TNRC6A: variants seen among roughly 807,000 people sequenced by gnomAD.
TNRC6A encodes the protein trinucleotide repeat-containing gene 6A protein.
TNRC6A carries 44 observed loss-of-function variants against 221.2 expected under a neutral mutation model. The observed-to-expected ratio is 0.20, with a 90% CI of 0.16 to 0.26. The LOEUF is 0.26. TNRC6A is among the 10% of genes least tolerant of loss of function. TNRC6A has a pLI of 1.00. For synonymous variants in TNRC6A, 847 were observed against 838.5 expected (o/e 1.01, Z -0.18); for missense variants, 2,199 against 2,404.4 (o/e 0.91, Z 1.79).
rs151284069 is a variant in TNRC6A at position 24,720,807 on chromosome 16, G to A, written n.403-29919G>A. ...TCCCAGCACTTTGGGAGGCTGAGGC[G>A]GGTGGATCACGAGGTCAGGAGATCG... On this transcript the variant is annotated intron_variant and non_coding_transcript_variant, in intron 2 of 2. Coordinates refer to the TNRC6A transcript ENST00000566108. Among the ~76,000 whole-genome samples, 1,359 of 151,648 alleles carry A rather than the reference G, an allele frequency of 9.0e-3. 21 individuals are homozygous for A. Among genetic ancestry groups the A allele is most frequent in the African/African-American group, 0.03 (1,258 of 41,362 alleles).
Position 24,730,295 on chromosome 16 carries a change from T to C in TNRC6A, c.48T>C (p.Leu16=). The C allele has an allele frequency of 6.2e-7, 1 of 1,603,144 alleles. No individual in the cohort carries two copies. Among genetic ancestry groups the C allele is most frequent in the Non-Finnish European group, 8.5e-7 (1 of 1,175,910 alleles). ...AKATKDVERN[L]SRDLVQEEEQ... The stretch of plus-strand genomic sequence containing the variant: ...CTACCAAAGACGTAGAAAGAAATCT[T>C]AGCAGGTAAGATGGGCGAGCTTTCC... Residue 16 remains leucine (L), a synonymous_variant, in exon 2 of 25, where the codon CTT becomes CTC. Coordinates refer to ENST00000395799, the MANE Select transcript of TNRC6A (RefSeq NM_014494.4).
At chr16:24,709,946 T>C (rs976764425) in intron 2 of TNRC6A, among the ~76,000 whole-genome samples, 4 of 152,060 alleles carry the variant, frequency 2.6e-5, no homozygotes, top group African/African-American at 9.7e-5. Context: ...TTTGTAAATA[T>C]GCTGGGCGCA....
At chr16:24,708,877 A>C (rs1170677630) in intron 2 of TNRC6A, among the ~76,000 whole-genome samples, 2 of 152,036 alleles carry the variant, frequency 1.3e-5, no homozygotes, top group African/African-American at 4.8e-5. Context: ...CATATGCCAT[A>C]TTTTCTTTAT....
At chr16:24,797,180 C>T (rs2058237157) in intron 9 of TNRC6A, among the ~76,000 whole-genome samples, 1 of 152,058 alleles carries the variant, frequency 6.6e-6, no homozygotes, top group Non-Finnish European at 1.5e-5. Flanking sequence ...TACAGTTCTC[C>T]GTTACTCAGA....
chr16:24,730,793 C>G (rs2056620049), intron 2 of TNRC6A, among the ~76,000 whole-genome samples: 1 of 121,882 alleles, frequency 8.2e-6, no homozygotes, highest in South Asian at 2.9e-4. Flanking sequence ...TTGCATTGGA[C>G]ACAGTTTTGT....
chr16:24,740,782 T>C (rs1236168280), intron 2 of TNRC6A, among the ~76,000 whole-genome samples: 1 of 152,220 alleles, frequency 6.6e-6, no homozygotes, highest in Non-Finnish European at 1.5e-5. Flanking sequence ...GGAAACTCTG[T>C]ACCCGTTAAA....
In TNRC6A at chr16:24,823,294, G is replaced by A. The variant is rs941498782; in HGVS notation, c.5514-138G>A. 12 of 1,118,782 alleles carry A rather than the reference G, an allele frequency of 1.1e-5. No homozygotes were observed. Among genetic ancestry groups the A allele is most frequent in the East Asian group, 4.9e-5 (2 of 41,026 alleles). The allele number at this position is 1,118,782 out of a possible 1,614,324, so 69.3% of individuals were successfully genotyped here. On this transcript the variant is annotated intron_variant, in intron 24 of 24. Transcript: ENST00000395799. The surrounding 1 kb of genome is among the most constrained non-coding windows in gnomAD (Gnocchi z 4.3). The stretch of plus-strand genomic sequence containing the variant: ...GCACACTCGGGTGAAGGGAGGGCAC[G>A]CAGGTTATGTGGTGTAGTCTCTCCC...
intron 2 of TNRC6A, among the ~76,000 whole-genome samples, chr16:24,720,720 A>G (rs909276286): frequency 6.7e-6 from 1 of 148,956 alleles, no homozygotes; most frequent in Non-Finnish European, 1.5e-5. Context: ...AAGAAAGAAA[A>G]AAAAAAAAGA....
At chr16:24,815,076 A>G (rs1179466664) in intron 18 of TNRC6A, 71 bp from the exon 19 acceptor site, 6 of 1,548,186 alleles carry the variant, frequency 3.9e-6, no homozygotes, top group Non-Finnish European at 4.4e-6. Context: ...TTCATGCTAC[A>G]TTTGAAAAGC....
At chr16:24,631,813 G>A (rs1307227723) in intron 1 of TNRC6A, among the ~76,000 whole-genome samples, 1 of 151,210 alleles carries the variant, frequency 6.6e-6, no homozygotes. Context: ...GAACATCCTA[G>A]GGTTCAGTCT....
rs185860607 is a variant in TNRC6A, at chr16:24,786,535, C to T, written c.590-2697C>T. Among the ~76,000 whole-genome samples the T allele has an allele frequency of 1.8e-4, 28 of 151,932 alleles. No individual in the cohort carries two copies. In the East Asian group the frequency reaches 5.3e-3, roughly 29 times the overall value. The stretch of plus-strand genomic sequence containing the variant: ...TTCTCCGTGTTAGCCAGGATGGTCT[C>T]GATCTGCTGACTTCGTGATCCTCCC... On this transcript the variant is annotated intron_variant, in intron 5 of 24. Transcript: ENST00000395799.
At chr16:24,751,352 C>A (rs998044076) in intron 3 of TNRC6A, among the ~76,000 whole-genome samples, 10 of 152,026 alleles carry the variant, frequency 6.6e-5, no homozygotes, top group African/African-American at 2.4e-4. Flanking sequence ...TATTTAGTAC[C>A]TGGGCTGATT....
intron 1 of TNRC6A, among the ~76,000 whole-genome samples, chr16:24,635,176 T>C (rs1567313833): frequency 6.6e-6 from 1 of 151,316 alleles, no homozygotes; most frequent in Admixed American, 6.6e-5. Flanking sequence ...CTTCCTTCCT[T>C]CTTTCCTTCC....
intron 2 of TNRC6A, among the ~76,000 whole-genome samples, chr16:24,690,124 C>T (rs1426964300): frequency 6.7e-6 from 1 of 149,302 alleles, no homozygotes; most frequent in Non-Finnish European, 1.5e-5. Flanking sequence ...ATCTTCTTGT[C>T]TCAGCCTCTT....
At chr16:24,722,411 CTATT>C (rs869042971) in intron 2 of TNRC6A, among the ~76,000 whole-genome samples, 4 of 102,470 alleles carry the variant, frequency 3.9e-5, no homozygotes, top group African/African-American at 1.4e-4. Flanking sequence ...AAGACCCCAA[CTATT>C]TATTTATTTA....
At position 24,740,390 on chromosome 16, in the gene TNRC6A, G is replaced by A. The variant is rs550067856; in HGVS notation, c.53+10090G>A. Among the ~76,000 whole-genome samples, 4 of 152,206 alleles carry A rather than the reference G, an allele frequency of 2.6e-5. No individual in the cohort carries two copies. In the South Asian group the frequency reaches 8.3e-4, roughly 31 times the overall value. On this transcript the variant is annotated intron_variant, in intron 2 of 24. Transcript: ENST00000395799. ...GGAACAGTGTTGAATATGTAGGCCA[G>A]TGTGGACAGTATTGCATTTTATAAT...
At chr16:24,718,761 G>T (rs145559819) in intron 2 of TNRC6A, among the ~76,000 whole-genome samples, 2 of 152,134 alleles carry the variant, frequency 1.3e-5, no homozygotes, top group African/African-American at 4.8e-5. Flanking sequence ...AGCAGGCTGG[G>T]TGCAGTAGCT....
At chr16:24,705,898 G>A (rs1020914246) in intron 2 of TNRC6A, among the ~76,000 whole-genome samples, 2 of 152,094 alleles carry the variant, frequency 1.3e-5, no homozygotes, top group Non-Finnish European at 2.9e-5. Context: ...TTACAAAGTG[G>A]AGACAACATA....
At chr16:24,782,343 T>C (rs564440704) in intron 5 of TNRC6A, among the ~76,000 whole-genome samples, 1 of 152,362 alleles carries the variant, frequency 6.6e-6, no homozygotes, top group African/African-American at 2.4e-5. Flanking sequence ...ATTTGTCTTT[T>C]TTATTCTGGA....
Sources: gnomAD v4.1 joint callset for allele counts (sites outside exome capture counted in the v4.1 genomes callset) on GRCh38, gnomAD v4.1.1 for gene constraint, Gnocchi (gnomAD v3.1) non-coding constraint, MANE v1.5 for transcripts, NCBI Gene and HGNC (gene_info 2026-07-23, HGNC 2026-07-21) for gene names.